The following RAG1 variants were observed in gnomAD, a reference collection of about 807,000 sequenced individuals.
RAG1 encodes the protein recombination activating 1.
RAG1 carries 35 observed loss-of-function variants against 62.7 expected under a neutral mutation model. That is an observed-to-expected ratio of 0.56 (90% CI 0.43 to 0.74). The LOEUF is 0.74. RAG1 is among the 30% of genes least tolerant of loss of function. The probability of loss-of-function intolerance (pLI) is 0.00; values close to 1 mark genes in which losing one functional copy is unlikely to be tolerated. For missense variants in RAG1, 1,169 were observed against 1,278.6 expected, an observed-to-expected ratio of 0.91 and a Z score of 1.31; for synonymous variants, 461 against 470.3, an observed-to-expected ratio of 0.98 and a Z score of 0.26.
chr11:36,572,443 A>G (rs1242083296), intron 1 of RAG1, among the ~76,000 whole-genome samples: 2 of 152,200 alleles, frequency 1.3e-5, no homozygotes, highest in Non-Finnish European at 2.9e-5. Context: ...TCTTCTTATT[A>G]TGTTACAAAC....
chr11:36,558,897 G>A (rs1421969391), intron 3 of RAG1, among the ~76,000 whole-genome samples: 2 of 152,066 alleles, frequency 1.3e-5, no homozygotes, highest in Non-Finnish European at 1.5e-5. Flanking sequence ...ACAAATTTTA[G>A]TTACTTTCTC....
At chr11:36,549,649 CTT>C (rs986119973) in intron 3 of RAG1, among the ~76,000 whole-genome samples, 4 of 152,198 alleles carry the variant, frequency 2.6e-5, no homozygotes, top group Non-Finnish European at 5.9e-5. Flanking sequence ...AATAGGAACT[CTT>C]TTACATGGTT....
At chr11:36,538,709 G>A (rs201902752), downstream of RAG1, among the ~76,000 whole-genome samples, 108 of 152,246 alleles carry the variant, frequency 7.1e-4, no homozygotes, top group Middle Eastern at 3.4e-3. Context: ...GCAGTGATGC[G>A]TGGCTGAAAT....
rs1850779366 is a variant in RAG1 at position 36,573,467 on chromosome 11, G to A, written c.163G>A (p.Gly55Arg). The change falls in exon 2 of 2, where the codon GGG becomes AGG. Residue 55 changes from glycine to arginine, a missense_variant. Transcript: ENST00000299440. The stretch of plus-strand genomic sequence containing the variant: ...AAAGGAAAAGAAGGATTCCTTTGAG[G>A]GGAAACCCTCTCTGGAGCAATCTCC... ...AQKEKKDSFEGKPSLEQSPAV... is the reference protein window; with the variant it reads ...AQKEKKDSFERKPSLEQSPAV... 4 of 1,614,002 alleles carry A rather than the reference G, an allele frequency of 2.5e-6. No homozygotes were observed. The highest frequency in any genetic ancestry group is 2.7e-5 in the African/African-American group (2 of 74,894).
Position 36,575,705 on chromosome 11 carries a change from A to G in RAG1, c.2401A>G (p.Ile801Val), listed in dbSNP as rs777272905. 6.2e-7 allele frequency: 1 copy of G among 1,614,200 alleles called. No homozygotes were observed. The highest frequency in any genetic ancestry group is 8.5e-7 in the Non-Finnish European group (1 of 1,180,036). Residue 801 changes from isoleucine (I) to valine (V), a missense_variant, in exon 2 of 2, where the codon ATT (isoleucine) becomes GTT (valine). Physicochemically the swap from Ile to Val is conservative, Grantham distance 29. Coordinates refer to ENST00000299440, the MANE Select transcript of RAG1 (RefSeq NM_000448.3). This position sits in a 1 kb window ranked among gnomAD's most constrained non-coding sequence, Gnocchi z 4.1. ...VPSIDALHCD[I>V]GNAAEFYKIF... Reference sequence around the variant, plus strand: ...TTCCATAGATGCACTCCACTGTGACATTGGCAATGCAGCTGAGTTCTACAA... The same window carrying G: ...TTCCATAGATGCACTCCACTGTGACGTTGGCAATGCAGCTGAGTTCTACAA...
upstream of RAG1, among the ~76,000 whole-genome samples, chr11:36,564,563 A>G (rs1490375418): frequency 2.0e-5 from 3 of 152,210 alleles, no homozygotes; most frequent in Admixed American, 1.3e-4. Flanking sequence ...CGGTGGCACT[A>G]GCTGCTTAGA....
upstream of RAG1, among the ~76,000 whole-genome samples, chr11:36,565,243 C>CA (rs1850645416): frequency 6.6e-6 from 1 of 152,196 alleles, no homozygotes; most frequent in South Asian, 2.1e-4. Context: ...ACCATGGCTG[C>CA]AGGAGTAGAT....
chr11:36,521,116 T>A (rs544282841), intron 2 of RAG1, among the ~76,000 whole-genome samples: 2 of 152,118 alleles, frequency 1.3e-5, no homozygotes, highest in South Asian at 2.1e-4. Flanking sequence ...TGTGCCACCA[T>A]GCCTGGCAAA....
At chr11:36,571,702 C>T (rs1329813619) in intron 1 of RAG1, among the ~76,000 whole-genome samples, 1 of 152,144 alleles carries the variant, frequency 6.6e-6, no homozygotes, top group Non-Finnish European at 1.5e-5. Flanking sequence ...GCAATCTCTG[C>T]CTCCTGGGTT....
chr11:36,515,228 C>T (rs780699296), intron 1 of RAG1, among the ~76,000 whole-genome samples: 20 of 151,948 alleles, frequency 1.3e-4, no homozygotes, highest in Admixed American at 3.3e-4. Flanking sequence ...AATGTAGATA[C>T]GCTAACCTTT....
rs1850847450 is a variant in RAG1, at chr11:36,576,163, T to A, written c.2859T>A (p.Asp953Glu). 1 of 1,614,112 alleles carries A rather than the reference T, an allele frequency of 6.2e-7. No individual in the cohort carries two copies. The highest frequency in any genetic ancestry group is 1.3e-5 in the African/African-American group (1 of 75,048). ...ATGTTCCTGAAATTATTGAGAGGGA[T>A]GGCTCCATTGGGGCATGGGCAAGTG... ...LAHVPEIIER[D>E]GSIGAWASEG... is the part of the protein sequence containing the mutation. The change falls in exon 2 of 2, where the codon GAT (aspartate) becomes GAA (glutamate). Residue 953 changes from aspartate (D) to glutamate (E), a missense_variant. Around this residue, in one of 2 missense-constraint regions of RAG1, gnomAD observed 800 missense variants for 943.3 expected, o/e 0.85. Transcript: ENST00000299440.
At position 36,574,009 on chromosome 11, in the gene RAG1, A is replaced by T; in HGVS notation, c.705A>T (p.Lys235Asn). The T allele has an allele frequency of 2.5e-6, 4 of 1,613,966 alleles. No individual in the cohort carries two copies. Among genetic ancestry groups the T allele is most frequent in the Non-Finnish European group, 3.4e-6 (4 of 1,180,004 alleles). The stretch of plus-strand genomic sequence containing the variant: ...AGCCAAACTTGCAGCTCAGCAAAAA[A>T]CTCAAAACTGTGCTTGACCAAGCAA... Reference protein sequence around the residue: ...SLQPNLQLSKKLKTVLDQARQ... With the variant: ...SLQPNLQLSKNLKTVLDQARQ... Residue 235 changes from lysine to asparagine, a missense_variant, in exon 2 of 2, where the codon AAA becomes AAT. Coordinates refer to ENST00000299440, the MANE Select transcript of RAG1 (RefSeq NM_000448.3).
chr11:36,526,562 A>T (rs1860166413), intron 2 of RAG1, among the ~76,000 whole-genome samples: 1 of 152,132 alleles, frequency 6.6e-6, no homozygotes, highest in Non-Finnish European at 1.5e-5. Flanking sequence ...GTGTCTTCAT[A>T]GTAGCATGAT....
chr11:36,545,625 C>T (rs1385167842), intron 3 of RAG1, among the ~76,000 whole-genome samples: 1 of 152,134 alleles, frequency 6.6e-6, no homozygotes, highest in Non-Finnish European at 1.5e-5. Flanking sequence ...ACAATTATTG[C>T]CAAATTGCTG....
upstream of RAG1, among the ~76,000 whole-genome samples, chr11:36,564,779 G>A (rs1256247450): frequency 1.3e-5 from 2 of 152,248 alleles, no homozygotes. Context: ...TCCGCCGCCA[G>A]TGCAGGGTGG....
rs1850781723 is a variant in RAG1 at position 36,573,567 on chromosome 11, C to T, written c.263C>T (p.Ser88Leu). 1.9e-6 allele frequency: 3 copies of T among 1,614,140 alleles called. No individual in the cohort carries two copies. The highest frequency in any genetic ancestry group is 2.5e-6 in the Non-Finnish European group (3 of 1,180,028). Residue 88 changes from serine to leucine, a missense_variant, in exon 2 of 2, where the codon TCA (serine) becomes TTA (leucine). Physicochemically the swap from Ser to Leu is moderately radical, Grantham distance 145 (BLOSUM62 -2). Coordinates refer to ENST00000299440, the MANE Select transcript of RAG1 (RefSeq NM_000448.3). ...QPLLKAHPKF[S>L]KKFHDNEKAR... The stretch of plus-strand genomic sequence containing the variant: ...TTGTTAAAAGCCCACCCTAAGTTTT[C>T]AAAGAAATTTCACGACAACGAGAAA...
chr11:36,540,633 C>G (rs1860402677), downstream of RAG1, among the ~76,000 whole-genome samples: 1 of 152,152 alleles, frequency 6.6e-6, no homozygotes, highest in South Asian at 2.1e-4. Context: ...GTCTCGATCT[C>G]CTGACCTCGT....
At position 36,577,392 on chromosome 11, in the gene RAG1, C is replaced by G. The variant is rs541123242; in HGVS notation, c.*956C>G. ...TTACTGAAACATTTTGCCAGACTTT[C>G]TCCAAATGAAACCTGAATCAATTTT... On this transcript the variant is annotated 3_prime_UTR_variant, in exon 2 of 2. Coordinates refer to ENST00000299440, the MANE Select transcript of RAG1 (RefSeq NM_000448.3). The G allele has an allele frequency of 8.4e-5, 14 of 167,096 alleles. No homozygotes were observed. The highest frequency in any genetic ancestry group is 3.3e-4 in the Admixed American group (5 of 15,300). The allele number at this position is 167,096 out of a possible 1,614,324, so 10.4% of individuals were successfully genotyped here.
Position 36,575,380 on chromosome 11 carries a change from T to C in RAG1, c.2076T>C (p.Leu692=). ...CCATGAAGAGCAGTGAATTAATGCT[T>C]GAGCTGGGAGGCATTCTCCGGACTT... ...REAMKSSELM[L]ELGGILRTFK... Residue 692 remains leucine (L), a synonymous_variant, in exon 2 of 2, where the codon CTT becomes CTC. Coordinates refer to ENST00000299440, the MANE Select transcript of RAG1 (RefSeq NM_000448.3). This position sits in a 1 kb window ranked among gnomAD's most constrained non-coding sequence, Gnocchi z 4.1. 1 of 1,613,972 alleles carries C rather than the reference T, an allele frequency of 6.2e-7. No individual in the cohort carries two copies. The highest frequency in any genetic ancestry group is 8.5e-7 in the Non-Finnish European group (1 of 1,179,860).
Sources: gnomAD v4.1 joint callset for allele counts (sites outside exome capture counted in the v4.1 genomes callset) on GRCh38, gnomAD v4.1.1 for gene constraint, gnomAD v4.1.1 regional missense constraint, Gnocchi (gnomAD v3.1) non-coding constraint, MANE v1.5 for transcripts, NCBI Gene and HGNC (gene_info 2026-07-23, HGNC 2026-07-21) for gene names.